Variants in ARHGEF11 observed in about 807,000 individuals in gnomAD.
The protein encoded by ARHGEF11 is Rho guanine nucleotide exchange factor 11.
A neutral mutation model predicts 193.7 loss-of-function variants in ARHGEF11; 55 were observed. The observed-to-expected ratio is 0.28, with a 90% CI of 0.23 to 0.36. ARHGEF11 has a LOEUF of 0.36. Among genes scored for constraint, ARHGEF11 ranks in the 10% least tolerant of loss-of-function variants. The pLI, the probability that ARHGEF11 is intolerant of heterozygous loss-of-function variation, is 1.00. For missense variants in ARHGEF11, 1,723 were observed against 2,005.6 expected (o/e 0.86, Z 2.69); for synonymous variants, 693 against 768.0 (o/e 0.90, Z 1.62).
Position 156,945,036 on chromosome 1 carries a change from G to C in ARHGEF11, c.2974C>G (p.Leu992Val), listed in dbSNP as rs1657859755. 6.2e-7 allele frequency: 1 copy of C among 1,613,738 alleles called. No individual in the cohort carries two copies. Among genetic ancestry groups the C allele is most frequent in the Admixed American group, 1.7e-5 (1 of 59,992 alleles). Reference protein sequence around the residue: ...ATALERASNPLAAEFKSLDLT... With the variant: ...ATALERASNPVAAEFKSLDLT... ...CCTCCTACCTTGAACTCTGCTGCCAGGGGGTTGCTGGCCCTCTCCAGGGCG... is the reference window on the plus strand; with the variant it reads ...CCTCCTACCTTGAACTCTGCTGCCACGGGGTTGCTGGCCCTCTCCAGGGCG... The change falls in exon 30 of 41, where the codon CTG becomes GTG. Residue 992 changes from leucine (L) to valine (V), a missense_variant. Coordinates refer to ENST00000368194, the MANE Select transcript of ARHGEF11 (RefSeq NM_198236.3).
chr1:156,967,582 T>TC lies in ARHGEF11; in HGVS notation c.963+404dup, dbSNP rs1571287359. Among the ~76,000 whole-genome samples, 3 of 152,138 alleles carry TC rather than the reference T, an allele frequency of 2.0e-5. No individual in the cohort carries two copies. In the East Asian group the frequency reaches 5.8e-4, roughly 29 times the overall value. ...CTAGGGGAGCTGAGTTTTTTTTTTTTCTTTTCTATGTTACGGTTCCAAGTA... is the reference window on the plus strand; with the variant it reads ...CTAGGGGAGCTGAGTTTTTTTTTTTTCCTTTTCTATGTTACGGTTCCAAGTA... On this transcript the variant is annotated intron_variant, in intron 11 of 40. Coordinates refer to ENST00000368194, the MANE Select transcript of ARHGEF11 (RefSeq NM_198236.3).
In ARHGEF11 at chr1:156,949,188, C is replaced by T. The variant is rs113481947; in HGVS notation, c.1926-690G>A. ...GCTTGTGCTTAAAGGGGCCTTTTTA[C>T]TGATAGGCAGGACCCGCTCCTTGGC... On this transcript the variant is annotated intron_variant, in intron 22 of 40. Coordinates refer to ENST00000368194, the MANE Select transcript of ARHGEF11 (RefSeq NM_198236.3). 3.1e-4 allele frequency: 272 copies of T among 875,560 alleles called. 1 individual carries two copies. In the African/African-American group the frequency reaches 4.2e-3, roughly 13 times the overall value. 54.2% of individuals were successfully genotyped at this position (875,560 alleles called of 1,614,324 possible).
intron 1 of ARHGEF11, among the ~76,000 whole-genome samples, chr1:156,999,598 CACCA>C (rs1470762916): frequency 1.3e-5 from 2 of 152,300 alleles, no homozygotes; most frequent in Admixed American, 1.3e-4. Flanking sequence ...CAGACACCAT[CACCA>C]ACCATGATCT....
chr1:156,944,583 A>G, intron 30 of ARHGEF11, 150 bp from the exon 31 acceptor site: 1 of 807,074 alleles, frequency 1.2e-6, no homozygotes, highest in Non-Finnish European at 2.0e-6. Context: ...CGGGATGAAG[A>G]CAAGCAAAAA....
Position 156,961,729 on chromosome 1 carries a change from T to A in ARHGEF11, c.1187A>T (p.Asp396Val). ...AEVYQQASPK[D>V]SRSLGKDIWN... ...GATGTCTTTCCCCAAGCTTCGGGAA[T>A]CCTTGGGGCTTGCCTGCTGATAAAC... The change falls in exon 14 of 41, where the codon GAT (aspartate) becomes GTT (valine). Residue 396 changes from aspartate to valine, a missense_variant. Physicochemically the swap from Asp to Val is radical, Grantham distance 152. Around this residue, in one of 5 missense-constraint regions of ARHGEF11, gnomAD observed 646 missense variants for 710.7 expected, o/e 0.91. Coordinates refer to ENST00000368194, the MANE Select transcript of ARHGEF11 (RefSeq NM_198236.3). The A allele has an allele frequency of 6.2e-7, 1 of 1,614,222 alleles. No homozygotes were observed. Among genetic ancestry groups the A allele is most frequent in the South Asian group, 1.1e-5 (1 of 91,086 alleles).
chr1:156,982,785 T>C (rs1433219851), intron 3 of ARHGEF11, among the ~76,000 whole-genome samples: 1 of 152,174 alleles, frequency 6.6e-6, no homozygotes, highest in Admixed American at 6.5e-5. Flanking sequence ...TAACTCTGTC[T>C]CACCCTAGTC....
In ARHGEF11 at chr1:156,958,874, A is replaced by G; in HGVS notation, c.1380-10T>C. On this transcript the variant is annotated splice_polypyrimidine_tract_variant and intron_variant, in intron 16 of 40. Coordinates refer to ENST00000368194, the MANE Select transcript of ARHGEF11 (RefSeq NM_198236.3). The stretch of plus-strand genomic sequence containing the variant: ...CAGTGTGCGCTTCGTTCTAAGCCAG[A>G]TAAACACAGGGAAAGAAAGAAATAT... 6.2e-7 allele frequency: 1 copy of G among 1,614,090 alleles called. No individual in the cohort carries two copies. Among genetic ancestry groups the G allele is most frequent in the Non-Finnish European group, 8.5e-7 (1 of 1,179,992 alleles).
chr1:156,987,169 A>C (rs1378165897), intron 1 of ARHGEF11, among the ~76,000 whole-genome samples: 1 of 152,244 alleles, frequency 6.6e-6, no homozygotes, highest in African/African-American at 2.4e-5. Flanking sequence ...GCCCCTCAGA[A>C]AGGGGCAATT....
Position 156,971,710 on chromosome 1 carries a change from G to C in ARHGEF11, c.689C>G (p.Thr230Ser). The stretch of plus-strand genomic sequence containing the variant: ...TACATCACTCACCACTGAGCCACCA[G>C]TCTCCTGCTGGATCTTCAGCTGTAA... ...TQLQLKIQQE[T>S]GGSVDILPLY... Residue 230 changes from threonine to serine, a missense_variant, in exon 8 of 41, where the codon ACT (threonine) becomes AGT (serine). By Grantham distance (58) the Thr-to-Ser change is moderately conservative (BLOSUM62 1). Coordinates refer to ENST00000368194, the MANE Select transcript of ARHGEF11 (RefSeq NM_198236.3). 6.2e-7 allele frequency: 1 copy of C among 1,613,876 alleles called. No individual in the cohort carries two copies. The highest frequency in any genetic ancestry group is 8.5e-7 in the Non-Finnish European group (1 of 1,179,960).
At chr1:157,017,965 A>T (rs760293685) in intron 1 of ARHGEF11, among the ~76,000 whole-genome samples, 1 of 152,142 alleles carries the variant, frequency 6.6e-6, no homozygotes, top group Non-Finnish European at 1.5e-5. Context: ...TTAACAAAAA[A>T]GCTATGAGAG....
At chr1:157,042,555 T>C (rs997798326) in intron 1 of ARHGEF11, among the ~76,000 whole-genome samples, 1 of 152,166 alleles carries the variant, frequency 6.6e-6, no homozygotes, top group Admixed American at 6.5e-5. Flanking sequence ...CTGTGAAACA[T>C]GAATAATAAC....
At chr1:156,940,040 C>T in intron 36 of ARHGEF11, 130 bp from the exon 37 acceptor site, 4 of 1,468,386 alleles carry the variant, frequency 2.7e-6, no homozygotes, top group Non-Finnish European at 3.6e-6. Flanking sequence ...CTCTGGCCAA[C>T]TAGCTGGTGG....
intron 1 of ARHGEF11, among the ~76,000 whole-genome samples, chr1:157,023,489 G>A (rs1217113740): frequency 6.6e-6 from 1 of 152,200 alleles, no homozygotes; most frequent in Non-Finnish European, 1.5e-5. Context: ...TAATAGGCCA[G>A]GCACGGTGGC....
chr1:156,978,096 TTGTCTC>T, intron 6 of ARHGEF11, 102 bp downstream of exon 6: 1 of 1,480,328 alleles, frequency 6.8e-7, no homozygotes. Flanking sequence ...GTCTTTTGGC[TTGTCTC>T]TGTTTACCAC....
chr1:156,960,739 A>T (rs1660709726), intron 14 of ARHGEF11, among the ~76,000 whole-genome samples: 1 of 152,252 alleles, frequency 6.6e-6, no homozygotes, highest in East Asian at 1.9e-4. Flanking sequence ...AGCGCATGGG[A>T]TGGCATGTTG....
intron 22 of ARHGEF11, among the ~76,000 whole-genome samples, chr1:156,949,821 C>G (rs1159518221): frequency 6.6e-6 from 1 of 152,172 alleles, no homozygotes; most frequent in Admixed American, 6.5e-5. Context: ...TCTTTGCCCC[C>G]AAATTCCTAG....
chr1:156,968,164 G>A (rs570389610), intron 10 of ARHGEF11, 40 bp from the exon 11 acceptor site: 25 of 1,581,316 alleles, frequency 1.6e-5, no homozygotes, highest in East Asian at 9.0e-5. Flanking sequence ...AACCTTGTCC[G>A]GAAGACCCTC....
chr1:157,009,581 A>G (rs1162090927), intron 1 of ARHGEF11, among the ~76,000 whole-genome samples: 4 of 152,210 alleles, frequency 2.6e-5, no homozygotes, highest in Non-Finnish European at 2.9e-5. Flanking sequence ...GGTGGTACTG[A>G]GCTAGGCTCT....
chr1:156,969,171 A>T, intron 10 of ARHGEF11, 111 bp downstream of exon 10: 1 of 852,728 alleles, frequency 1.2e-6, no homozygotes, highest in South Asian at 1.5e-5. Context: ...AACTAGAACG[A>T]TGGAAGAGGC....
Sources: gnomAD v4.1 joint callset for allele counts (sites outside exome capture counted in the v4.1 genomes callset) on GRCh38, gnomAD v4.1.1 for gene constraint, gnomAD v4.1.1 regional missense constraint, MANE v1.5 for transcripts, NCBI Gene and HGNC (gene_info 2026-07-23, HGNC 2026-07-21) for gene names.